The following NR2C2 variants were observed in gnomAD, a reference collection of about 807,000 sequenced individuals.
NR2C2 encodes nuclear receptor subfamily 2 group C member 2.
NR2C2 carries 6 observed loss-of-function variants against 62.9 expected under a neutral mutation model. The observed-to-expected ratio is 0.10, with a 90% CI of 0.05 to 0.19. The LOEUF (loss-of-function observed/expected upper bound fraction) is 0.19. NR2C2 is among the 10% of genes least tolerant of loss of function. NR2C2 has a pLI of 1.00. For missense variants in NR2C2, 479 were observed against 762.7 expected (o/e 0.63, Z 4.38); for synonymous variants, 272 against 273.8 (o/e 0.99, Z 0.07).
At chr3:15,001,949 C>G (rs1283721242) in intron 1 of NR2C2, among the ~76,000 whole-genome samples, 1 of 152,126 alleles carries the variant, frequency 6.6e-6, no homozygotes, top group Non-Finnish European at 1.5e-5. Flanking sequence ...TATCCTGCAA[C>G]CCTGAAACTC....
At chr3:15,021,440 T>C (rs1362579350) in intron 5 of NR2C2, among the ~76,000 whole-genome samples, 2 of 152,200 alleles carry the variant, frequency 1.3e-5, no homozygotes, top group African/African-American at 2.4e-5. Flanking sequence ...GAGAAAGCTA[T>C]TGCTCCTGGA....
intron 13 of NR2C2, chr3:15,042,461 C>T (rs1681218367): frequency 6.0e-6 from 1 of 166,726 alleles, no homozygotes; most frequent in Admixed American, 6.3e-5. Flanking sequence ...GATGTCTTTC[C>T]TGGTCAGTAA....
At chr3:14,990,903 T>C (rs537494282) in intron 1 of NR2C2, among the ~76,000 whole-genome samples, 1 of 152,234 alleles carries the variant, frequency 6.6e-6, no homozygotes, top group Non-Finnish European at 1.5e-5. Flanking sequence ...AATCGTTTCT[T>C]AATAGGAACT....
chr3:14,988,773 G>A (rs749239286), intron 1 of NR2C2, among the ~76,000 whole-genome samples: 5 of 151,916 alleles, frequency 3.3e-5, no homozygotes, highest in Non-Finnish European at 5.9e-5. Flanking sequence ...CGGTGCCTGG[G>A]TTTGTGCTAG....
chr3:14,948,485 A>C (rs2039216479), intron 1 of NR2C2: 1 of 152,114 alleles, frequency 6.6e-6, no homozygotes, highest in Admixed American at 6.6e-5. Context: ...CCGCCCCCCT[A>C]AGCTTTGCTG....
intron 7 of NR2C2, among the ~76,000 whole-genome samples, chr3:15,025,071 G>A (rs1445105968): frequency 6.6e-6 from 1 of 152,238 alleles, no homozygotes; most frequent in Non-Finnish European, 1.5e-5. Context: ...TTGGGCAGGG[G>A]CCACATGCAT....
At chr3:14,954,784 G>C (rs1022976115) in intron 1 of NR2C2, among the ~76,000 whole-genome samples, 2 of 152,114 alleles carry the variant, frequency 1.3e-5, no homozygotes, top group African/African-American at 2.4e-5. Context: ...TGTGTGTTCT[G>C]TGTGTTCAGT....
chr3:14,950,446 C>T (rs1333091613), intron 1 of NR2C2, among the ~76,000 whole-genome samples: 2 of 152,012 alleles, frequency 1.3e-5, no homozygotes, highest in African/African-American at 2.4e-5. Context: ...ATTTTCTTAT[C>T]TGTGGTACCC....
intron 1 of NR2C2, among the ~76,000 whole-genome samples, chr3:14,952,742 G>A (rs1574916559): frequency 6.6e-6 from 1 of 152,040 alleles, no homozygotes; most frequent in East Asian, 1.9e-4. Context: ...ATATGCCAGA[G>A]GCTGAGATTC....
chr3:15,004,287 C>T (rs1231869674), intron 2 of NR2C2, among the ~76,000 whole-genome samples: 2 of 152,164 alleles, frequency 1.3e-5, no homozygotes, highest in South Asian at 2.1e-4. Flanking sequence ...AGGGCCCCTA[C>T]TTGAAGTCAA....
intron 1 of NR2C2, among the ~76,000 whole-genome samples, chr3:14,978,819 A>T (rs1443608946): frequency 6.6e-6 from 1 of 151,914 alleles, no homozygotes; most frequent in East Asian, 1.9e-4. Flanking sequence ...TCTTTGGTTC[A>T]CTCTTTGGTT....
Position 15,034,678 on chromosome 3 carries a change from G to C in NR2C2, c.1241G>C (p.Cys414Ser). The C allele has an allele frequency of 6.2e-7, 1 of 1,614,002 alleles. No homozygotes were observed. Among genetic ancestry groups the C allele is most frequent in the East Asian group, 2.2e-5 (1 of 44,870 alleles). The stretch of plus-strand genomic sequence containing the variant: ...CCTTTCTATATTCCTAGGCAGGACT[G>C]CAACACCAGCCTTGTGCGGGCCTGC... ...IPAFQALGQDCNTSLVRACWN... is the reference protein window; with the variant it reads ...IPAFQALGQDSNTSLVRACWN... The change falls in exon 11 of 14, where the codon TGC becomes TCC. Residue 414 changes from cysteine to serine, a missense_variant. Transcript: ENST00000425241.
At chr3:15,036,126 G>A (rs747758553) in intron 11 of NR2C2, among the ~76,000 whole-genome samples, 2 of 152,144 alleles carry the variant, frequency 1.3e-5, no homozygotes, top group African/African-American at 4.8e-5. Context: ...GGAGGCAGAG[G>A]TTGCAGTGAG....
intron 1 of NR2C2, among the ~76,000 whole-genome samples, chr3:14,994,457 T>G (rs2040763031): frequency 6.9e-6 from 1 of 145,984 alleles, no homozygotes; most frequent in African/African-American, 2.5e-5. Context: ...TTTTTTTTTT[T>G]TTTTGAGGCA....
rs2125178505 is a variant in NR2C2 at position 14,947,750 on chromosome 3, GTC to G, written c.-191_-190del. ...CACCCCGCTCCCACCTCGGCGTCTC[GTC>G]TCTCGCCCGCTGCCCCGCGAGCCCG... On this transcript the variant is annotated 5_prime_UTR_variant, in exon 1 of 14. Transcript: ENST00000425241. 1 of 148,658 alleles carries G rather than the reference GTC, an allele frequency of 6.7e-6. No individual in the cohort carries two copies. Among genetic ancestry groups the G allele is most frequent in the East Asian group, 2.0e-4 (1 of 4,942 alleles). The allele number at this position is 148,658 out of a possible 1,614,324, so 9.2% of individuals were successfully genotyped here.
intron 6 of NR2C2, 45 bp downstream of exon 6, chr3:15,023,392 A>T (rs1309151771): frequency 6.2e-7 from 1 of 1,606,876 alleles, no homozygotes; most frequent in South Asian, 1.1e-5. Context: ...CAGCTGATGG[A>T]GGAGGCACAG....
chr3:15,041,557 A>G (rs2042266829), intron 13 of NR2C2, among the ~76,000 whole-genome samples: 1 of 152,242 alleles, frequency 6.6e-6, no homozygotes, highest in African/African-American at 2.4e-5. Context: ...AACTTTTTAA[A>G]AAGCACTATC....
chr3:15,032,387 G>T lies in NR2C2; in HGVS notation c.1119G>T (p.Met373Ile), dbSNP rs1323112733. Residue 373 changes from methionine to isoleucine, a missense_variant, in exon 10 of 14, where the codon ATG (methionine) becomes ATT (isoleucine). Met to Ile is a conservative substitution (Grantham distance 10, BLOSUM62 1). This residue lies in a region of NR2C2 where 162 missense variants were observed against 296.8 expected (regional missense o/e 0.55). Coordinates refer to ENST00000425241, the MANE Select transcript of NR2C2 (RefSeq NM_001291694.2). ...SDTHVTFKLT[M>I]PSPMPEYLNV... ...TGCCTCCTCTTTTCCAGCTAACAAT[G>T]CCCAGTCCAATGCCAGAGTACCTCA... The T allele has an allele frequency of 6.2e-7, 1 of 1,614,148 alleles. No homozygotes were observed. Among genetic ancestry groups the T allele is most frequent in the Non-Finnish European group, 8.5e-7 (1 of 1,180,008 alleles).
intron 1 of NR2C2, among the ~76,000 whole-genome samples, chr3:14,998,093 C>G (rs922803310): frequency 7.2e-5 from 11 of 152,196 alleles, no homozygotes; most frequent in Admixed American, 1.3e-4. Context: ...TAGCATGTAT[C>G]AGCACTTCAT....
Sources: gnomAD v4.1 joint callset for allele counts (sites outside exome capture counted in the v4.1 genomes callset) on GRCh38, gnomAD v4.1.1 for gene constraint, gnomAD v4.1.1 regional missense constraint, MANE v1.5 for transcripts, NCBI Gene and HGNC (gene_info 2026-07-23, HGNC 2026-07-21) for gene names.